Variants in CLYBL observed in about 807,000 individuals in gnomAD.
CLYBL encodes the protein citramalyl-CoA lyase, mitochondrial.
CLYBL carries 31 observed loss-of-function variants against 38.9 expected under a neutral mutation model. That is an observed-to-expected ratio of 0.80 (90% CI 0.60 to 1.08). The LOEUF is 1.08. Among genes scored for constraint, CLYBL ranks in the 50% least tolerant of loss-of-function variants. CLYBL has a pLI of 0.00. For missense variants in CLYBL, 434 were observed against 411.6 expected (o/e 1.05, Z -0.47); for synonymous variants, 171 against 158.6 (o/e 1.08, Z -0.59).
At chr13:99,613,450 A>G (rs1566588466) in intron 1 of CLYBL, among the ~76,000 whole-genome samples, 1 of 152,184 alleles carries the variant, frequency 6.6e-6, no homozygotes, top group Non-Finnish European at 1.5e-5. Context: ...GTTACCTGTC[A>G]GGGTCCCAAT....
chr13:99,690,030 A>G (rs1186752841), intron 1 of CLYBL: 3 of 152,214 alleles, frequency 2.0e-5, no homozygotes, highest in African/African-American at 7.2e-5. Flanking sequence ...AGCTCTGTGG[A>G]TGAAATTTAC....
At chr13:99,717,786 G>C (rs1231589717) in intron 1 of CLYBL, among the ~76,000 whole-genome samples, 1 of 151,998 alleles carries the variant, frequency 6.6e-6, no homozygotes, top group Non-Finnish European at 1.5e-5. Context: ...TTTCTTAAAG[G>C]CTTTTGTTAA....
At chr13:99,908,996 T>G (rs2052724295) in exon 10 of CLYBL, among the ~76,000 whole-genome samples, 1 of 152,224 alleles carries the variant, frequency 6.6e-6, no homozygotes. Context: ...CAACTCAAAT[T>G]CAATGTGATT....
intron 9 of CLYBL, among the ~76,000 whole-genome samples, chr13:99,906,604 A>C (rs973120997): frequency 2.0e-5 from 3 of 151,954 alleles, no homozygotes; most frequent in African/African-American, 7.3e-5. Context: ...TTGTATTTTT[A>C]GTAGAAATGG....
At chr13:99,626,505 T>C (rs1374905627) in intron 1 of CLYBL, among the ~76,000 whole-genome samples, 1 of 152,226 alleles carries the variant, frequency 6.6e-6, no homozygotes, top group Non-Finnish European at 1.5e-5. Flanking sequence ...CCCATGTCAT[T>C]TGAACCCCTT....
chr13:99,642,465 A>T (rs1413193518), intron 1 of CLYBL, among the ~76,000 whole-genome samples: 1 of 152,060 alleles, frequency 6.6e-6, no homozygotes, highest in Non-Finnish European at 1.5e-5. Flanking sequence ...CCCAGGCTGG[A>T]GTGCAGTGGC....
chr13:99,860,329 A>G (rs2051570577), intron 3 of CLYBL, among the ~76,000 whole-genome samples: 1 of 152,170 alleles, frequency 6.6e-6, no homozygotes, highest in South Asian at 2.1e-4. Flanking sequence ...CTACGAGATA[A>G]TTTAAAATTA....
intron 1 of CLYBL, among the ~76,000 whole-genome samples, chr13:99,739,399 G>T (rs1460216797): frequency 1.3e-5 from 2 of 152,124 alleles, no homozygotes; most frequent in Admixed American, 6.5e-5. Flanking sequence ...AAAATGATGG[G>T]TCGCGTTCTG....
chr13:99,684,975 C>T (rs971920914), intron 1 of CLYBL, among the ~76,000 whole-genome samples: 2 of 152,204 alleles, frequency 1.3e-5, no homozygotes, highest in African/African-American at 4.8e-5. Context: ...AGCCTTCAGG[C>T]GTAATTGGAG....
chr13:99,626,012 C>T (rs969420192), intron 1 of CLYBL, among the ~76,000 whole-genome samples: 8 of 152,154 alleles, frequency 5.3e-5, no homozygotes. Context: ...AGGAGTAATT[C>T]CACCAGTATT....
At chr13:99,620,937 A>G (rs191046997) in intron 1 of CLYBL, among the ~76,000 whole-genome samples, 3 of 152,330 alleles carry the variant, frequency 2.0e-5, no homozygotes, top group Non-Finnish European at 4.4e-5. Flanking sequence ...CAGGAAGAGA[A>G]TATGGGTATA....
intron 2 of CLYBL, among the ~76,000 whole-genome samples, chr13:99,843,799 G>A (rs538889989): frequency 2.6e-5 from 4 of 152,090 alleles, no homozygotes; most frequent in East Asian, 1.9e-4. Context: ...ATGGGGTTTC[G>A]CCCTCTTGGC....
At chr13:99,796,356 C>T (rs1318473258) in intron 2 of CLYBL, among the ~76,000 whole-genome samples, 1 of 152,154 alleles carries the variant, frequency 6.6e-6, no homozygotes, top group East Asian at 1.9e-4. Context: ...CACCATAGTT[C>T]CTTCCAGCCT....
rs34844714 is a variant in CLYBL, at chr13:99,705,921, A to AT, written c.63-66892dup. 7.9e-3 allele frequency among the ~76,000 whole-genome samples: 1,162 copies of AT among 147,188 alleles called. 7 individuals are homozygous for AT. Among genetic ancestry groups the AT allele is most frequent in the African/African-American group, 0.022 (872 of 40,430 alleles). On this transcript the variant is annotated intron_variant, in intron 1 of 8. Coordinates refer to ENST00000339105, the MANE Select transcript of CLYBL (RefSeq NM_206808.5). ...TGTATGTTATGTATATTTTGCCCCA[A>AT]TTTTTTTTTTTGTTTTTTTTTGTTT...
At chr13:99,866,970 G>A (rs534181730) in intron 6 of CLYBL, among the ~76,000 whole-genome samples, 28 of 152,260 alleles carry the variant, frequency 1.8e-4, no homozygotes, top group African/African-American at 6.0e-4. Flanking sequence ...TAGGATCAGC[G>A]GGTCCCTTGC....
In CLYBL at chr13:99,864,865, T is replaced by C; in HGVS notation, c.588T>C (p.Phe196=). ...AGGTCGGGCCTCAAGTAGGTCTCTTTCTAGATGCAGTCGTTTTTGGAGGAG... is the reference window on the plus strand; with the variant it reads ...AGGTCGGGCCTCAAGTAGGTCTCTTCCTAGATGCAGTCGTTTTTGGAGGAG... ...TLKVGPQVGL[F]LDAVVFGGED... The change falls in exon 5 of 9, where the codon TTT becomes TTC. Residue 196 remains phenylalanine, a synonymous_variant. Coordinates refer to ENST00000339105, the MANE Select transcript of CLYBL (RefSeq NM_206808.5). 1 of 1,614,104 alleles carries C rather than the reference T, an allele frequency of 6.2e-7. No individual in the cohort carries two copies. Among genetic ancestry groups the C allele is most frequent in the South Asian group, 1.1e-5 (1 of 91,078 alleles).
intron 6 of CLYBL, among the ~76,000 whole-genome samples, chr13:99,870,425 A>G (rs78321419): frequency 0.029 from 4,461 of 152,304 alleles, no homozygotes; most frequent in Non-Finnish European, 0.045. Context: ...ATAGTAATAT[A>G]GTTGTAATGA....
At chr13:99,744,475 C>T (rs2048815670) in intron 1 of CLYBL, among the ~76,000 whole-genome samples, 1 of 152,158 alleles carries the variant, frequency 6.6e-6, no homozygotes, top group African/African-American at 2.4e-5. Context: ...CATCTGGGAG[C>T]TGGCTGGTCC....
At chr13:99,635,168 C>A (rs1274094224) in intron 1 of CLYBL, among the ~76,000 whole-genome samples, 1 of 152,042 alleles carries the variant, frequency 6.6e-6, no homozygotes, top group African/African-American at 2.4e-5. Flanking sequence ...TTTAACTCAC[C>A]TTGTTAATGA....
Sources: allele counts gnomAD v4.1 joint callset (sites outside exome capture counted in the v4.1 genomes callset), GRCh38; gene constraint gnomAD v4.1.1; transcripts MANE v1.5; gene names NCBI Gene and HGNC (gene_info 2026-07-23, HGNC 2026-07-21).